TRAPPC9: variants seen among roughly 807,000 people sequenced by gnomAD.
TRAPPC9 encodes IKK2 binding protein.
A neutral mutation model predicts 124.0 loss-of-function variants in TRAPPC9; 83 were observed. The ratio of observed to expected loss-of-function variants is 0.67; its 90% CI spans 0.56 to 0.80. TRAPPC9 has a LOEUF of 0.80. Ranked by LOEUF, TRAPPC9 falls within the 30% of genes least tolerant of loss-of-function variation. The pLI is 0.00. For synonymous variants in TRAPPC9, 638 were observed against 617.5 expected (o/e 1.03, Z -0.49); for missense variants, 1,302 against 1,508.3 (o/e 0.86, Z 2.27).
chr8:139,762,981 C>T (rs1272920221), intron 21 of TRAPPC9, among the ~76,000 whole-genome samples: 1 of 152,238 alleles, frequency 6.6e-6, no homozygotes, highest in Non-Finnish European at 1.5e-5. Context: ...GCTGCAGCTG[C>T]AGCCGGGGCA....
At chr8:139,868,486 C>T (rs928006943) in intron 21 of TRAPPC9, among the ~76,000 whole-genome samples, 10 of 152,150 alleles carry the variant, frequency 6.6e-5, no homozygotes, top group African/African-American at 2.2e-4. Flanking sequence ...CAGTGGAATA[C>T]GTGGTTGGAA....
intron 7 of TRAPPC9, among the ~76,000 whole-genome samples, chr8:140,390,745 C>T (rs1306959379): frequency 1.3e-5 from 2 of 152,192 alleles, no homozygotes; most frequent in East Asian, 3.9e-4. Flanking sequence ...TGCAATATAC[C>T]AGACTCTTGT....
At chr8:139,755,869 G>A (rs1219783689) in intron 21 of TRAPPC9, among the ~76,000 whole-genome samples, 8 of 131,512 alleles carry the variant, frequency 6.1e-5, no homozygotes, top group East Asian at 2.5e-4. Flanking sequence ...ACAGCAGGTC[G>A]CAGGAAGAGC....
At chr8:140,302,119 C>T (rs2065995963) in intron 10 of TRAPPC9, among the ~76,000 whole-genome samples, 1 of 152,224 alleles carries the variant, frequency 6.6e-6, no homozygotes, top group Non-Finnish European at 1.5e-5. Context: ...TGCCTCATTC[C>T]AGCCTGCTCT....
chr8:140,096,488 A>T (rs1844957221), intron 17 of TRAPPC9: 1 of 152,238 alleles, frequency 6.6e-6, no homozygotes, highest in South Asian at 2.1e-4. Context: ...GTGAATGGTG[A>T]CCTGAATCCG....
chr8:140,423,908 A>G (rs1456230675), intron 5 of TRAPPC9, among the ~76,000 whole-genome samples: 1 of 152,162 alleles, frequency 6.6e-6, no homozygotes, highest in African/African-American at 2.4e-5. Flanking sequence ...CATTTATATG[A>G]GATGTCCAGA....
chr8:140,389,197 T>A (rs2132336125), intron 7 of TRAPPC9, among the ~76,000 whole-genome samples: 1 of 152,230 alleles, frequency 6.6e-6, no homozygotes, highest in East Asian at 1.9e-4. Context: ...CCTCAGGTGA[T>A]CTGCCTGCCT....
intron 19 of TRAPPC9, among the ~76,000 whole-genome samples, chr8:139,986,783 A>G (rs1381582212): frequency 6.6e-6 from 1 of 152,230 alleles, no homozygotes; most frequent in South Asian, 2.1e-4. Context: ...GAATAGATAC[A>G]TGTGTGTAAC....
intron 21 of TRAPPC9, among the ~76,000 whole-genome samples, chr8:139,863,173 T>G (rs1828282660): frequency 6.6e-6 from 1 of 152,246 alleles, no homozygotes; most frequent in South Asian, 2.1e-4. Context: ...GGCTACGGAC[T>G]TTGCAGCCCC....
intron 19 of TRAPPC9, among the ~76,000 whole-genome samples, chr8:139,983,364 G>T (rs1243410869): frequency 6.6e-6 from 1 of 152,136 alleles, no homozygotes; most frequent in African/African-American, 2.4e-5. Context: ...CAGCAACTCA[G>T]CATTTCCATA....
At chr8:139,829,159 A>G (rs1825816480) in intron 21 of TRAPPC9, among the ~76,000 whole-genome samples, 1 of 152,234 alleles carries the variant, frequency 6.6e-6, no homozygotes, top group African/African-American at 2.4e-5. Flanking sequence ...TATGTGTACT[A>G]GACTAATGTG....
chr8:139,780,713 A>G (rs1821753058), intron 21 of TRAPPC9, among the ~76,000 whole-genome samples: 1 of 152,162 alleles, frequency 6.6e-6, no homozygotes. Flanking sequence ...CTGCTCTGTT[A>G]AAGACACCAC....
chr8:140,008,867 A>T (rs905671091), intron 18 of TRAPPC9, among the ~76,000 whole-genome samples: 16 of 152,226 alleles, frequency 1.1e-4, no homozygotes, highest in Non-Finnish European at 4.4e-5. Flanking sequence ...CACAGACCTG[A>T]AGAGTTTATA....
At chr8:140,343,199 G>A (rs921773395) in intron 9 of TRAPPC9, among the ~76,000 whole-genome samples, 12 of 152,356 alleles carry the variant, frequency 7.9e-5, no homozygotes, top group South Asian at 6.2e-4. Flanking sequence ...AAGCCAGCAT[G>A]GGGTAGGAAA....
intron 16 of TRAPPC9, among the ~76,000 whole-genome samples, chr8:140,239,827 A>G (rs1038493532): frequency 1.6e-4 from 24 of 152,252 alleles, no homozygotes; most frequent in Non-Finnish European, 2.6e-4. Context: ...TAAGATTCCA[A>G]TCACCTTTGT....
At chr8:140,124,991 A>AG (rs953509003) in intron 17 of TRAPPC9, among the ~76,000 whole-genome samples, 4 of 152,266 alleles carry the variant, frequency 2.6e-5, no homozygotes, top group Non-Finnish European at 4.4e-5. Flanking sequence ...TAAAAATTGC[A>AG]GGGTGTCACT....
chr8:139,846,294 C>G (rs1373307079), intron 21 of TRAPPC9, among the ~76,000 whole-genome samples: 1 of 152,150 alleles, frequency 6.6e-6, no homozygotes, highest in Admixed American at 6.5e-5. Context: ...GCTCTTAGTT[C>G]CACCCCCCAC....
At chr8:140,272,130 C>CAATGATGATGATGATGGTGATGGT (rs1450234909) in intron 15 of TRAPPC9, among the ~76,000 whole-genome samples, 1 of 100,382 alleles carries the variant, frequency 1.0e-5, no homozygotes, top group African/African-American at 3.4e-5. Flanking sequence ...GTGATGGTGG[C>CAATGATGATGATGATGGTGATGGT]GATGGTGATG....
chr8:140,389,451 C>T (rs11997377), intron 7 of TRAPPC9, among the ~76,000 whole-genome samples: 4,444 of 152,282 alleles, frequency 0.029, 214 homozygotes, highest in African/African-American at 0.094. Context: ...TGGTCACTGC[C>T]GTCACGGCCA....
Sources: allele counts gnomAD v4.1 joint callset (sites outside exome capture counted in the v4.1 genomes callset), GRCh38; gene constraint gnomAD v4.1.1; transcripts MANE v1.5; gene names NCBI Gene and HGNC (gene_info 2026-07-23, HGNC 2026-07-21).